The following ARHGEF10 variants were observed in gnomAD, a reference collection of about 807,000 sequenced individuals.
The protein encoded by ARHGEF10 is Rho guanine nucleotide exchange factor (GEF) 10.
ARHGEF10 carries 140 observed loss-of-function variants against 147.4 expected under a neutral mutation model. The observed-to-expected ratio is 0.95, with a 90% CI of 0.83 to 1.09. ARHGEF10 has a LOEUF of 1.09. Among genes scored for constraint, ARHGEF10 ranks in the 50% least tolerant of loss-of-function variants. The pLI is 0.00. For missense variants in ARHGEF10, 2,222 were observed against 1,752.7 expected, an observed-to-expected ratio of 1.27 and a Z score of -4.78; for synonymous variants, 902 against 695.8, an observed-to-expected ratio of 1.30 and a Z score of -4.67.
intron 4 of ARHGEF10, among the ~76,000 whole-genome samples, chr8:1,863,372 G>A (rs557143229): frequency 5.3e-5 from 8 of 152,238 alleles, no homozygotes; most frequent in African/African-American, 1.7e-4. Context: ...CTCCAAGCAG[G>A]TTACATCGAG....
intron 1 of ARHGEF10, among the ~76,000 whole-genome samples, chr8:1,831,051 G>C (rs971372064): frequency 3.3e-5 from 5 of 152,256 alleles, no homozygotes; most frequent in African/African-American, 1.2e-4. Flanking sequence ...CAGGGCAGCG[G>C]GGGAACTGCA....
At chr8:1,886,475 C>G (rs1007898348) in intron 11 of ARHGEF10, among the ~76,000 whole-genome samples, 1 of 152,100 alleles carries the variant, frequency 6.6e-6, no homozygotes, top group African/African-American at 2.4e-5. Flanking sequence ...AGTGACTGGC[C>G]AGGTTTAAAA....
chr8:1,839,913 A>AAG (rs1261214743), intron 1 of ARHGEF10, among the ~76,000 whole-genome samples: 1 of 74,316 alleles, frequency 1.3e-5, no homozygotes, highest in Non-Finnish European at 2.6e-5. Context: ...CGGTGTGGGG[A>AAG]CTGTCCGGTG....
In ARHGEF10 at chr8:1,903,342, CAG is replaced by C. The variant is rs780004791; in HGVS notation, c.1715_1716del (p.Glu572AlafsTer10). Reference sequence around the variant, plus strand: ...AGGCTGCCTCTTCAGATGGCCCTGACAGAGCTCGAAACACTAGCAGAGAAGTT... The same window carrying C: ...AGGCTGCCTCTTCAGATGGCCCTGACAGCTCGAAACACTAGCAGAGAAGTT... On this transcript the variant is annotated frameshift_variant, in exon 16 of 29. Coordinates refer to ENST00000349830, the MANE Select transcript of ARHGEF10 (RefSeq NM_014629.4). LOFTEE classifies it high-confidence loss of function. The C allele has an allele frequency of 1.2e-6, 2 of 1,614,122 alleles. No individual in the cohort carries two copies. The highest frequency in any genetic ancestry group is 2.2e-5 in the South Asian group (2 of 91,076).
chr8:1,914,838 C>T (rs996107661), intron 18 of ARHGEF10, among the ~76,000 whole-genome samples: 4 of 152,268 alleles, frequency 2.6e-5, no homozygotes, highest in East Asian at 1.9e-4. Context: ...AACCCTTGAA[C>T]GAGTACTGAG....
At chr8:1,887,851 G>A (rs748172358) in intron 11 of ARHGEF10, among the ~76,000 whole-genome samples, 1 of 150,556 alleles carries the variant, frequency 6.6e-6, no homozygotes, top group East Asian at 2.0e-4. Context: ...ACACTGAGTG[G>A]GATGTGAGGG....
intron 15 of ARHGEF10, 101 bp downstream of exon 15, chr8:1,898,626 G>C: frequency 1.7e-6 from 2 of 1,188,600 alleles, no homozygotes; most frequent in South Asian, 1.3e-5. Flanking sequence ...GCTGCCCCTC[G>C]GGCCTCCTCA....
At chr8:1,922,210 C>T (rs996959650) in intron 18 of ARHGEF10, among the ~76,000 whole-genome samples, 4 of 151,346 alleles carry the variant, frequency 2.6e-5, no homozygotes, top group South Asian at 2.1e-4. Flanking sequence ...AAATAGACCC[C>T]GGGACACGCG....
chr8:1,908,428 G>C (rs573180505), intron 17 of ARHGEF10, among the ~76,000 whole-genome samples: 3 of 151,902 alleles, frequency 2.0e-5, no homozygotes, highest in Non-Finnish European at 4.4e-5. Flanking sequence ...GAGATGGGGT[G>C]TCACTGTGTT....
rs950205850 is a variant in ARHGEF10, at chr8:1,857,998, G to C, written c.76G>C (p.Glu26Gln). The C allele has an allele frequency of 2.0e-5, 33 of 1,613,942 alleles. No homozygotes were observed. Among genetic ancestry groups the C allele is most frequent in the East Asian group, 1.3e-4 (6 of 44,894 alleles). ...ATATGATACCAATAATAATGAAGAG[G>C]AAGAGGGAGAACAGTTCGATTTTGA... The part of the protein sequence containing the change: ...MKYDTNNNEE[E>Q]EGEQFDFDSG... The change falls in exon 3 of 29, where the codon GAA becomes CAA. Residue 26 changes from glutamate to glutamine, a missense_variant. By Grantham distance (29) the Glu-to-Gln change is conservative. Transcript: ENST00000349830.
chr8:1,886,939 T>C (rs1385053325), intron 11 of ARHGEF10, among the ~76,000 whole-genome samples: 1 of 152,178 alleles, frequency 6.6e-6, no homozygotes, highest in Non-Finnish European at 1.5e-5. Context: ...TGACAGCCTT[T>C]ACCAGGAACA....
intron 2 of ARHGEF10, 109 bp downstream of exon 2, chr8:1,843,545 G>A (rs1804260360): frequency 2.4e-6 from 2 of 843,264 alleles, no homozygotes; most frequent in South Asian, 2.8e-5. Context: ...GTATGGGGTG[G>A]AGTGAGAGCT....
chr8:1,828,720 G>A (rs562017019), intron 1 of ARHGEF10, among the ~76,000 whole-genome samples: 22 of 148,720 alleles, frequency 1.5e-4, no homozygotes, highest in African/African-American at 5.2e-4. Context: ...ACCGTGGCGT[G>A]CACACTTAAC....
intron 25 of ARHGEF10, among the ~76,000 whole-genome samples, chr8:1,933,487 T>A (rs1016630905): frequency 1.4e-4 from 20 of 143,850 alleles, no homozygotes; most frequent in Admixed American, 6.1e-4. Flanking sequence ...GATCTTACCC[T>A]GAAGGAAGCT....
intron 11 of ARHGEF10, among the ~76,000 whole-genome samples, chr8:1,887,485 AGTGGGG>A: frequency 1.0e-5 from 1 of 96,778 alleles, no homozygotes; most frequent in African/African-American, 2.8e-5. Flanking sequence ...GGAGACACTG[AGTGGGG>A]TGTGAGGGGT....
chr8:1,939,640 G>A (rs528484495), intron 26 of ARHGEF10, among the ~76,000 whole-genome samples: 5 of 152,358 alleles, frequency 3.3e-5, no homozygotes, highest in Admixed American at 1.3e-4. Flanking sequence ...CTAGCTGGTC[G>A]AGGGTGAGGA....
At chr8:1,848,346 A>T (rs985789920) in intron 2 of ARHGEF10, among the ~76,000 whole-genome samples, 3 of 152,030 alleles carry the variant, frequency 2.0e-5, no homozygotes, top group African/African-American at 7.2e-5. Context: ...TAGACGAGGG[A>T]TGGGGTCTCG....
intron 11 of ARHGEF10, among the ~76,000 whole-genome samples, chr8:1,887,639 TGA>T (rs1180040973): frequency 1.6e-5 from 2 of 122,934 alleles, no homozygotes; most frequent in African/African-American, 6.8e-5. Flanking sequence ...AGACTGTGAG[TGA>T]GCTGAGAGTC....
chr8:1,955,989 A>G (rs1815533850), intron 28 of ARHGEF10, among the ~76,000 whole-genome samples: 1 of 152,182 alleles, frequency 6.6e-6, no homozygotes, highest in Non-Finnish European at 1.5e-5. Flanking sequence ...CAGTGATGTC[A>G]TTTGCCTTGG....
Sources: allele counts gnomAD v4.1 joint callset (sites outside exome capture counted in the v4.1 genomes callset), GRCh38; gene constraint gnomAD v4.1.1; transcripts MANE v1.5; gene names NCBI Gene and HGNC (gene_info 2026-07-23, HGNC 2026-07-21).